DOCK4: variants seen among roughly 807,000 people sequenced by gnomAD.
DOCK4 encodes dedicator of cytokinesis 4, also known as dedicator of cytokinesis protein 4.
Under a neutral mutation model 268.1 loss-of-function variants are expected in DOCK4, and 97 were observed. The observed-to-expected ratio is 0.36, with a 90% CI of 0.31 to 0.43. The LOEUF (loss-of-function observed/expected upper bound fraction) is 0.43, where lower values mean the gene tolerates loss of function less well. DOCK4 is among the 20% of genes least tolerant of loss of function. DOCK4 has a pLI of 1.00. For missense variants in DOCK4, 2,145 were observed against 2,455.7 expected (o/e 0.87, Z 2.67); for synonymous variants, 954 against 887.2 (o/e 1.08, Z -1.34).
chr7:111,765,929 C>G (rs529762528), intron 38 of DOCK4, among the ~76,000 whole-genome samples: 3 of 152,280 alleles, frequency 2.0e-5, no homozygotes, highest in East Asian at 3.9e-4. Flanking sequence ...TCTATCCCCC[C>G]TCTAGTAACA....
chr7:112,172,453 G>A (rs1472705490), intron 1 of DOCK4, among the ~76,000 whole-genome samples: 1 of 152,134 alleles, frequency 6.6e-6, no homozygotes, highest in African/African-American at 2.4e-5. Context: ...TGAACTATTA[G>A]AAAATATCTG....
intron 26 of DOCK4, among the ~76,000 whole-genome samples, chr7:111,824,683 G>T (rs1802262164): frequency 6.6e-6 from 1 of 152,080 alleles, no homozygotes; most frequent in African/African-American, 2.4e-5. Context: ...TTACCAGCTA[G>T]CAACTTGAGT....
intron 1 of DOCK4, among the ~76,000 whole-genome samples, chr7:112,198,444 T>C (rs939438003): frequency 1.3e-5 from 2 of 152,170 alleles, no homozygotes; most frequent in African/African-American, 4.8e-5. Flanking sequence ...CATCCTAAAC[T>C]CCTTCCTTAC....
intron 1 of DOCK4, among the ~76,000 whole-genome samples, chr7:112,055,028 AC>A (rs2135567896): frequency 6.6e-6 from 1 of 152,346 alleles, no homozygotes; most frequent in East Asian, 1.9e-4. Flanking sequence ...ATGTATTTCT[AC>A]ATACAGTCAG....
chr7:112,083,073 T>G (rs1808745720), intron 1 of DOCK4, among the ~76,000 whole-genome samples: 1 of 152,150 alleles, frequency 6.6e-6, no homozygotes, highest in South Asian at 2.1e-4. Context: ...TATTCTAATT[T>G]TAATAATGTA....
At chr7:111,764,309 GTATTCTGTCA>G (rs1055956099) in intron 39 of DOCK4, among the ~76,000 whole-genome samples, 5 of 152,148 alleles carry the variant, frequency 3.3e-5, no homozygotes, top group African/African-American at 1.2e-4. Context: ...ACCCATCCTA[GTATTCTGTCA>G]TATGTGCTGA....
intron 26 of DOCK4, among the ~76,000 whole-genome samples, chr7:111,830,525 T>A (rs1234123550): frequency 6.6e-6 from 1 of 152,176 alleles, no homozygotes; most frequent in Non-Finnish European, 1.5e-5. Flanking sequence ...GTTATTTCTC[T>A]TTCATTCTTA....
At chr7:111,779,768 T>C (rs1029213811) in intron 35 of DOCK4, among the ~76,000 whole-genome samples, 1 of 152,204 alleles carries the variant, frequency 6.6e-6, no homozygotes, top group Non-Finnish European at 1.5e-5. Flanking sequence ...ATAAAGCACA[T>C]GAGTCCTCAC....
intron 35 of DOCK4, among the ~76,000 whole-genome samples, chr7:111,780,811 G>GTGGA (rs1175155578): frequency 6.6e-6 from 1 of 152,212 alleles, no homozygotes; most frequent in Non-Finnish European, 1.5e-5. Context: ...AACCTTCCAT[G>GTGGA]TGGAGTAGAG....
intron 25 of DOCK4, among the ~76,000 whole-genome samples, chr7:111,841,144 T>C (rs1586145791): frequency 2.8e-5 from 4 of 141,762 alleles, no homozygotes; most frequent in African/African-American, 1.2e-4. Flanking sequence ...AGTACAACTA[T>C]TTTCTCTGAT....
At chr7:111,937,132 A>C (rs1442826874) in intron 11 of DOCK4, among the ~76,000 whole-genome samples, 3 of 151,718 alleles carry the variant, frequency 2.0e-5, no homozygotes, top group Non-Finnish European at 4.4e-5. Context: ...AACAAACAAA[A>C]GCTCCTAAAG....
intron 8 of DOCK4, among the ~76,000 whole-genome samples, chr7:111,963,244 C>A (rs1797078195): frequency 6.6e-6 from 1 of 151,462 alleles, no homozygotes; most frequent in Non-Finnish European, 1.5e-5. Flanking sequence ...CTACAGCTCC[C>A]AGCGTGAGCG....
chr7:111,974,043 G>T (rs989733287), intron 8 of DOCK4, among the ~76,000 whole-genome samples: 1 of 152,056 alleles, frequency 6.6e-6, no homozygotes, highest in African/African-American at 2.4e-5. Flanking sequence ...GAACTGTTAG[G>T]AGTTCCAAGA....
At chr7:112,154,605 A>G (rs1024471131) in intron 1 of DOCK4, among the ~76,000 whole-genome samples, 2 of 152,146 alleles carry the variant, frequency 1.3e-5, no homozygotes, top group African/African-American at 4.8e-5. Context: ...ATATATCAAG[A>G]CAACTGTCCT....
intron 23 of DOCK4, among the ~76,000 whole-genome samples, chr7:111,861,758 A>AT (rs1239329362): frequency 5.0e-3 from 375 of 74,382 alleles, no homozygotes; most frequent in African/African-American, 0.015. Flanking sequence ...AAAAAAAAAA[A>AT]AATAATAATA....
At chr7:111,801,323 A>G (rs761135314) in intron 30 of DOCK4, among the ~76,000 whole-genome samples, 3 of 152,166 alleles carry the variant, frequency 2.0e-5, no homozygotes, top group Non-Finnish European at 2.9e-5. Flanking sequence ...CTGCTCATGC[A>G]GTCTCTTTGT....
chr7:112,176,441 T>C (rs1346980721), intron 1 of DOCK4, among the ~76,000 whole-genome samples: 2 of 152,174 alleles, frequency 1.3e-5, no homozygotes, highest in Non-Finnish European at 2.9e-5. Flanking sequence ...ACTGGGAGCT[T>C]TGTTCTTCCC....
intron 3 of DOCK4, 30 bp downstream of exon 3, chr7:112,000,464 A>G (rs1344533000): frequency 7.9e-7 from 1 of 1,264,378 alleles, no homozygotes; most frequent in Non-Finnish European, 1.1e-6. Flanking sequence ...AATAAATTTC[A>G]TAATTATAGT....
At chr7:111,906,747 G>A (rs1438520771) in intron 13 of DOCK4, among the ~76,000 whole-genome samples, 1 of 152,132 alleles carries the variant, frequency 6.6e-6, no homozygotes, top group Non-Finnish European at 1.5e-5. Context: ...ATTAGAGAAG[G>A]GGATATGATG....
Sources: allele counts gnomAD v4.1 joint callset (sites outside exome capture counted in the v4.1 genomes callset), GRCh38; gene constraint gnomAD v4.1.1; transcripts MANE v1.5; gene names NCBI Gene and HGNC (gene_info 2026-07-23, HGNC 2026-07-21).